Variants in CD200R1L observed in about 807,000 individuals in gnomAD.
The protein encoded by CD200R1L is cell surface glycoprotein CD200 receptor 2.
A neutral mutation model predicts 24.8 loss-of-function variants in CD200R1L; 14 were observed. The ratio of observed to expected loss-of-function variants is 0.56; its 90% CI spans 0.37 to 0.88. The LOEUF is 0.88. Ranked by LOEUF, CD200R1L falls within the 40% of genes least tolerant of loss-of-function variation. The pLI, the probability that CD200R1L is intolerant of heterozygous loss-of-function variation, is 0.00. For missense variants in CD200R1L, 299 were observed against 297.8 expected, an observed-to-expected ratio of 1.00 and a Z score of -0.03; for synonymous variants, 111 against 109.2, an observed-to-expected ratio of 1.02 and a Z score of -0.11.
intron 2 of CD200R1L, among the ~76,000 whole-genome samples, chr3:112,841,958 G>A (rs983524773): frequency 2.0e-4 from 31 of 152,210 alleles, no homozygotes; most frequent in African/African-American, 7.0e-4. Context: ...TTGTGTTTTG[G>A]CATAGTAGTT....
intron 1 of CD200R1L, among the ~76,000 whole-genome samples, 161 bp from the exon 2 acceptor site, chr3:112,846,111 G>A (rs560117853): frequency 1.3e-5 from 2 of 152,302 alleles, no homozygotes; most frequent in South Asian, 2.1e-4. Flanking sequence ...ATGGTTTGAT[G>A]AATTTCTACC....
At chr3:112,833,819 T>C (rs776517015) in intron 3 of CD200R1L, among the ~76,000 whole-genome samples, 4 of 152,208 alleles carry the variant, frequency 2.6e-5, no homozygotes, top group Non-Finnish European at 4.4e-5. Context: ...GTCTGTGATA[T>C]AAGCCAAAAG....
At chr3:112,839,311 G>A (rs142990113) in intron 2 of CD200R1L, among the ~76,000 whole-genome samples, 62 of 152,312 alleles carry the variant, frequency 4.1e-4, no homozygotes, top group Admixed American at 1.3e-3. Flanking sequence ...TCCATGGCAT[G>A]AAGTAACAAT....
chr3:112,822,562 T>C (rs1486755499), intron 6 of CD200R1L, among the ~76,000 whole-genome samples: 1 of 152,198 alleles, frequency 6.6e-6, no homozygotes, highest in Non-Finnish European at 1.5e-5. Context: ...ACTGAGGGGC[T>C]GGGAGGTTGG....
At chr3:112,822,456 A>G (rs902867356) in intron 6 of CD200R1L, among the ~76,000 whole-genome samples, 2 of 152,094 alleles carry the variant, frequency 1.3e-5, no homozygotes, top group Admixed American at 1.3e-4. Context: ...CAACAATTTA[A>G]TCAATCATAC....
chr3:112,833,593 A>G (rs996206370), intron 3 of CD200R1L, among the ~76,000 whole-genome samples: 1 of 152,182 alleles, frequency 6.6e-6, no homozygotes. Flanking sequence ...ACCCAGTAGC[A>G]CTCCATTGTA....
Position 112,819,901 on chromosome 3 carries a change from A to G in CD200R1L, c.617-6T>C. On this transcript the variant is annotated splice_polypyrimidine_tract_variant and splice_region_variant and intron_variant, in intron 6 of 7. Coordinates refer to ENST00000488794, the MANE Select transcript of CD200R1L (RefSeq NM_001199215.3). ...AGATCCTGAGGTTCTGAGACCTTTA[A>G]ATACAGACAGGGGTGAAAAATCATT... 6.3e-7 allele frequency: 1 copy of G among 1,580,136 alleles called. No homozygotes were observed. Among genetic ancestry groups the G allele is most frequent in the Non-Finnish European group, 8.6e-7 (1 of 1,168,736 alleles).
At chr3:112,816,565 A>G (rs998397163) in intron 7 of CD200R1L, among the ~76,000 whole-genome samples, 7 of 152,216 alleles carry the variant, frequency 4.6e-5, no homozygotes, top group African/African-American at 1.7e-4. Context: ...GAAGATTTAG[A>G]GTCATGGATA....
At chr3:112,835,254 G>C (rs1938909272) in intron 3 of CD200R1L, among the ~76,000 whole-genome samples, 1 of 152,156 alleles carries the variant, frequency 6.6e-6, no homozygotes, top group African/African-American at 2.4e-5. Flanking sequence ...TCTGCAGCCA[G>C]GGTGTCCTGA....
At chr3:112,836,007 C>T (rs1236995402) in intron 3 of CD200R1L, among the ~76,000 whole-genome samples, 1 of 152,254 alleles carries the variant, frequency 6.6e-6, no homozygotes, top group Non-Finnish European at 1.5e-5. Flanking sequence ...ATGGTGGCCC[C>T]AGCCAACCCT....
At chr3:112,833,026 A>T (rs2107345073) in intron 3 of CD200R1L, among the ~76,000 whole-genome samples, 1 of 152,346 alleles carries the variant, frequency 6.6e-6, no homozygotes, top group South Asian at 2.1e-4. Flanking sequence ...TCAATTCTAC[A>T]AAGATTCAGG....
At chr3:112,839,810 G>A (rs1939038463) in intron 2 of CD200R1L, among the ~76,000 whole-genome samples, 1 of 152,148 alleles carries the variant, frequency 6.6e-6, no homozygotes, top group Non-Finnish European at 1.5e-5. Flanking sequence ...TGTTTGAAGT[G>A]GTTAATCCCC....
chr3:112,830,693 C>T (rs10804504), intron 3 of CD200R1L, among the ~76,000 whole-genome samples: 48,327 of 151,616 alleles, frequency 0.32, 8,692 homozygotes, highest in Non-Finnish European at 0.4. Flanking sequence ...AACAAGAAAA[C>T]GAAAATGATA....
chr3:112,845,251 A>G (rs1169039937), intron 2 of CD200R1L, among the ~76,000 whole-genome samples: 2 of 152,252 alleles, frequency 1.3e-5, no homozygotes, highest in Non-Finnish European at 2.9e-5. Flanking sequence ...GGAGACTATT[A>G]TAAACACCTC....
intron 3 of CD200R1L, among the ~76,000 whole-genome samples, chr3:112,835,228 G>A (rs1036912051): frequency 2.6e-5 from 4 of 152,180 alleles, no homozygotes; most frequent in East Asian, 1.9e-4. Flanking sequence ...GAGGAGACCC[G>A]AGTGGGTAGC....
chr3:112,842,443 C>T (rs552223221), intron 2 of CD200R1L, among the ~76,000 whole-genome samples: 1 of 152,130 alleles, frequency 6.6e-6, no homozygotes, highest in African/African-American at 2.4e-5. Flanking sequence ...GTTAACTGTA[C>T]AAATTGACTG....
rs763889468 is a variant in CD200R1L, at chr3:112,827,094, G to A, written c.515C>T (p.Thr172Met). Residue 172 changes from threonine (T) to methionine (M), a missense_variant, in exon 6 of 8, where the codon ACG becomes ATG. Coordinates refer to ENST00000488794, the MANE Select transcript of CD200R1L (RefSeq NM_001199215.3). ...CTCCCAGGGGCATGTACTCTTAACC[G>A]TCACTGTGCCATTGCCCCAGTATTC... ...KQEYWGNGTV[T>M]VKSTCPWEGH... 2.5e-6 allele frequency: 4 copies of A among 1,613,236 alleles called. No individual in the cohort carries two copies. The highest frequency in any genetic ancestry group is 2.2e-5 in the East Asian group (1 of 44,892).
intron 2 of CD200R1L, among the ~76,000 whole-genome samples, chr3:112,845,311 A>C (rs1484195093): frequency 1.3e-5 from 2 of 152,222 alleles, no homozygotes; most frequent in Non-Finnish European, 2.9e-5. Flanking sequence ...ATTCCTGAAA[A>C]TACACAACCT....
chr3:112,835,058 T>G (rs1938902090), intron 3 of CD200R1L, among the ~76,000 whole-genome samples: 1 of 152,224 alleles, frequency 6.6e-6, no homozygotes, highest in South Asian at 2.1e-4. Context: ...AATGTGGCAA[T>G]CAAGGGGCGT....
Sources: gnomAD v4.1 joint callset for allele counts (sites outside exome capture counted in the v4.1 genomes callset) on GRCh38, gnomAD v4.1.1 for gene constraint, MANE v1.5 for transcripts, NCBI Gene and HGNC (gene_info 2026-07-23, HGNC 2026-07-21) for gene names.